RAP1GDS1: variants seen among roughly 807,000 people sequenced by gnomAD.
RAP1GDS1 encodes RAP1, GTP-GDP dissociation stimulator 1.
In RAP1GDS1, 35 loss-of-function variants were observed where a neutral mutation model predicts 71.1. The ratio of observed to expected loss-of-function variants is 0.49; its 90% confidence interval spans 0.38 to 0.65. The LOEUF (loss-of-function observed/expected upper bound fraction) is 0.65. Among genes scored for constraint, RAP1GDS1 ranks in the 30% least tolerant of loss-of-function variants. The probability of loss-of-function intolerance (pLI) is 0.00; values close to 1 mark genes in which losing one functional copy is unlikely to be tolerated. For synonymous variants in RAP1GDS1, 229 were observed against 243.1 expected (o/e 0.94, Z 0.54); for missense variants, 663 against 706.1 (o/e 0.94, Z 0.69).
chr4:98,369,617 G>A (rs1221276456), intron 4 of RAP1GDS1, among the ~76,000 whole-genome samples: 1 of 152,180 alleles, frequency 6.6e-6, no homozygotes, highest in African/African-American at 2.4e-5. Context: ...AATACTTACT[G>A]CATGAAGCCA....
chr4:98,306,335 C>T (rs1048537822), intron 2 of RAP1GDS1, among the ~76,000 whole-genome samples: 1 of 152,156 alleles, frequency 6.6e-6, no homozygotes, highest in Non-Finnish European at 1.5e-5. Context: ...ATTGATGGTA[C>T]CTTTTTGATG....
chr4:98,307,360 T>C (rs1729477003), intron 2 of RAP1GDS1, among the ~76,000 whole-genome samples: 1 of 152,006 alleles, frequency 6.6e-6, no homozygotes, highest in African/African-American at 2.4e-5. Context: ...TTTTGAAAAA[T>C]TGTTATTGTT....
chr4:98,378,894 C>G (rs1741569187), intron 4 of RAP1GDS1, 123 bp from the exon 5 acceptor site: 1 of 923,768 alleles, frequency 1.1e-6, no homozygotes, highest in Non-Finnish European at 1.5e-6. Flanking sequence ...TATTTAATGT[C>G]CTGCCTAGGT....
chr4:98,296,886 T>G (rs1165862683), intron 2 of RAP1GDS1: 2 of 384,506 alleles, frequency 5.2e-6, no homozygotes, highest in East Asian at 9.9e-5. Flanking sequence ...CTATTTGTAA[T>G]AAAAATTCTA....
chr4:98,323,983 G>A (rs1313168035), intron 2 of RAP1GDS1, among the ~76,000 whole-genome samples: 1 of 148,448 alleles, frequency 6.7e-6, no homozygotes, highest in African/African-American at 2.5e-5. Flanking sequence ...AAGTCAAATT[G>A]TCCCTGTTTG....
Position 98,327,447 on chromosome 4 carries a change from G to A in RAP1GDS1, c.113-15692G>A, listed in dbSNP as rs1733305794. On this transcript the variant is annotated intron_variant, in intron 2 of 14. Coordinates refer to ENST00000408927, the MANE Select transcript of RAP1GDS1 (RefSeq NM_001100427.2). ...CTTTCCAGAAGTATTTTTTGTGTAA[G>A]GTTGTGACAGCCTTTGTGTAAGGTT... Among the ~76,000 whole-genome samples the A allele has an allele frequency of 1.3e-5, 2 of 152,210 alleles. 1 individual carries two copies. Among genetic ancestry groups the A allele is most frequent in the South Asian group, 4.1e-4 (2 of 4,830 alleles).
chr4:98,394,889 C>T (rs937836271), intron 6 of RAP1GDS1, among the ~76,000 whole-genome samples: 7 of 152,042 alleles, frequency 4.6e-5, no homozygotes, highest in African/African-American at 1.4e-4. Flanking sequence ...AGTTTTCAAA[C>T]TTTTTGACTA....
chr4:98,301,043 C>A (rs1316464543), intron 2 of RAP1GDS1, among the ~76,000 whole-genome samples: 1 of 120,320 alleles, frequency 8.3e-6, no homozygotes, highest in East Asian at 2.1e-4. Flanking sequence ...TGAACATACT[C>A]CTGCTGTTTT....
chr4:98,292,212 A>G (rs1295048789), intron 1 of RAP1GDS1, among the ~76,000 whole-genome samples: 1 of 151,664 alleles, frequency 6.6e-6, no homozygotes, highest in African/African-American at 2.4e-5. Context: ...CTGTAGACTC[A>G]AACTCCTCAG....
At position 98,324,501 on chromosome 4, in the gene RAP1GDS1, C is replaced by T. The variant is rs1253190787; in HGVS notation, c.113-18638C>T. Among the ~76,000 whole-genome samples the T allele has an allele frequency of 3.4e-5, 5 of 146,948 alleles. No homozygotes were observed. The East Asian group carries it at 5.8e-4, about 17-fold the overall frequency. ...CAAAAGAACAAAGCTGGAGACATCA[C>T]ACTACCTGACTTCAAACTATACTAC... On this transcript the variant is annotated intron_variant, in intron 2 of 14. Transcript: ENST00000408927.
intron 2 of RAP1GDS1, among the ~76,000 whole-genome samples, chr4:98,329,273 A>G (rs1011300126): frequency 1.3e-4 from 20 of 152,226 alleles, no homozygotes; most frequent in African/African-American, 4.8e-4. Context: ...TAAATTGCCT[A>G]AAGAGAAAGT....
At chr4:98,412,804 G>A (rs1170176061) in intron 7 of RAP1GDS1, among the ~76,000 whole-genome samples, 4 of 152,076 alleles carry the variant, frequency 2.6e-5, no homozygotes, top group Non-Finnish European at 5.9e-5. Flanking sequence ...GATGTCCCCT[G>A]AGCCACAAAA....
rs138720994 is a variant in RAP1GDS1 at position 98,440,151 on chromosome 4, G to A, written c.1697-1839G>A. ...TTTAAGGCTTATCTGCATTGTAGGCGTGTCAGAATTTCATTTCCTTTTAAA... is the reference window on the plus strand; with the variant it reads ...TTTAAGGCTTATCTGCATTGTAGGCATGTCAGAATTTCATTTCCTTTTAAA... On this transcript the variant is annotated intron_variant, in intron 14 of 14. Transcript: ENST00000408927. Among the ~76,000 whole-genome samples, 551 of 152,222 alleles carry A rather than the reference G, an allele frequency of 3.6e-3. 3 individuals carry two copies. Among genetic ancestry groups the A allele is most frequent in the African/African-American group, 0.012 (511 of 41,518 alleles).
chr4:98,363,478 C>CAAAAAAAAAAAAAAAAAAAAA (rs34393905), intron 4 of RAP1GDS1, among the ~76,000 whole-genome samples: 9 of 37,732 alleles, frequency 2.4e-4, no homozygotes, highest in African/African-American at 8.9e-4. Flanking sequence ...GACCCTGTCT[C>CAAAAAAAAAAAAAAAAAAAAA]AAAAAAAAAA....
At chr4:98,339,346 G>A (rs1735156381) in intron 2 of RAP1GDS1, among the ~76,000 whole-genome samples, 1 of 152,084 alleles carries the variant, frequency 6.6e-6, no homozygotes, top group South Asian at 2.1e-4. Flanking sequence ...TCTTATATGG[G>A]TCCTCAAAAT....
At chr4:98,339,223 G>A (rs1369330043) in intron 2 of RAP1GDS1, among the ~76,000 whole-genome samples, 1 of 152,124 alleles carries the variant, frequency 6.6e-6, no homozygotes, top group East Asian at 1.9e-4. Flanking sequence ...GTGGAGTGAG[G>A]ACATAGGGCT....
intron 3 of RAP1GDS1, among the ~76,000 whole-genome samples, chr4:98,343,597 A>G (rs1490419117): frequency 1.3e-5 from 2 of 152,106 alleles, no homozygotes; most frequent in African/African-American, 4.8e-5. Context: ...ATATATTTTT[A>G]AATATTTATG....
intron 2 of RAP1GDS1, among the ~76,000 whole-genome samples, chr4:98,328,317 A>G (rs1226859927): frequency 6.6e-6 from 1 of 152,242 alleles, no homozygotes; most frequent in African/African-American, 2.4e-5. Context: ...ATCAAGTGAA[A>G]AAAAGTAGCA....
intron 3 of RAP1GDS1, among the ~76,000 whole-genome samples, chr4:98,348,818 G>C (rs1736708026): frequency 6.6e-6 from 1 of 152,070 alleles, no homozygotes; most frequent in Non-Finnish European, 1.5e-5. Context: ...GGGGTTGTTT[G>C]TTTTTTTCTT....
Sources: gnomAD v4.1 joint callset for allele counts (sites outside exome capture counted in the v4.1 genomes callset) on GRCh38, gnomAD v4.1.1 for gene constraint, MANE v1.5 for transcripts, NCBI Gene and HGNC (gene_info 2026-07-23, HGNC 2026-07-21) for gene names.